The following ATP8A2 variants were observed in gnomAD, a reference collection of about 807,000 sequenced individuals.
The protein encoded by ATP8A2 is phospholipid-transporting ATPase IB.
In ATP8A2, 100 loss-of-function variants were observed where a neutral mutation model predicts 165.6. The ratio of observed to expected loss-of-function variants is 0.60; its 90% CI spans 0.51 to 0.71. ATP8A2 has a LOEUF of 0.71. ATP8A2 is among the 30% of genes least tolerant of loss of function. The pLI is 0.00. For synonymous variants in ATP8A2, 543 were observed against 548.8 expected (o/e 0.99, Z 0.15); for missense variants, 1,227 against 1,479.5 (o/e 0.83, Z 2.80).
intron 24 of ATP8A2, among the ~76,000 whole-genome samples, chr13:25,648,114 T>C (rs2041722401): frequency 6.6e-6 from 1 of 152,204 alleles, no homozygotes; most frequent in African/African-American, 2.4e-5. Flanking sequence ...TATTCTTTTT[T>C]CTTTTTATTT....
At chr13:25,828,529 C>T (rs994421234) in intron 28 of ATP8A2, among the ~76,000 whole-genome samples, 14 of 152,250 alleles carry the variant, frequency 9.2e-5, no homozygotes, top group Non-Finnish European at 1.9e-4. Context: ...TACACCTAAA[C>T]TCATTCCGCT....
At chr13:25,591,892 A>G (rs1045931494) in intron 24 of ATP8A2, among the ~76,000 whole-genome samples, 1 of 152,194 alleles carries the variant, frequency 6.6e-6, no homozygotes, top group Admixed American at 6.5e-5. Flanking sequence ...TTTTGGGGAC[A>G]TATACCCAGA....
intron 27 of ATP8A2, among the ~76,000 whole-genome samples, chr13:25,811,250 A>G (rs1301931383): frequency 1.3e-5 from 2 of 152,232 alleles, no homozygotes; most frequent in African/African-American, 2.4e-5. Flanking sequence ...TAGCAATATC[A>G]GTGACATAAT....
intron 16 of ATP8A2, among the ~76,000 whole-genome samples, chr13:25,565,741 C>T (rs1054186737): frequency 1.3e-5 from 2 of 150,348 alleles, no homozygotes; most frequent in Non-Finnish European, 3.0e-5. Flanking sequence ...TAATTAGGTC[C>T]CAGCTGTTTA....
chr13:25,961,080 G>A (rs1048138866), intron 33 of ATP8A2, among the ~76,000 whole-genome samples: 1 of 152,194 alleles, frequency 6.6e-6, no homozygotes, highest in African/African-American at 2.4e-5. Context: ...ATCTCCTGAA[G>A]GCAAGGACTA....
intron 33 of ATP8A2, among the ~76,000 whole-genome samples, chr13:25,905,216 C>G (rs971135944): frequency 6.6e-6 from 1 of 152,152 alleles, no homozygotes; most frequent in African/African-American, 2.4e-5. Flanking sequence ...TCTCTTTCCG[C>G]AGATAACCTC....
intron 24 of ATP8A2, among the ~76,000 whole-genome samples, chr13:25,625,623 G>A (rs2041081308): frequency 6.6e-6 from 1 of 152,162 alleles, no homozygotes; most frequent in Admixed American, 6.5e-5. Context: ...ATCTCTTGAG[G>A]GTTGTTGCTT....
intron 1 of ATP8A2, among the ~76,000 whole-genome samples, chr13:25,450,058 A>G (rs926372596): frequency 1.3e-5 from 2 of 152,136 alleles, no homozygotes; most frequent in African/African-American, 4.8e-5. Flanking sequence ...GCTCCCACTT[A>G]TAAGTGAGAA....
intron 2 of ATP8A2, among the ~76,000 whole-genome samples, chr13:25,505,771 A>C (rs934053386): frequency 1.3e-5 from 2 of 152,254 alleles, no homozygotes; most frequent in Non-Finnish European, 2.9e-5. Context: ...TATACAATAT[A>C]TGCTATATCA....
chr13:25,665,971 G>A (rs766532535), intron 24 of ATP8A2, among the ~76,000 whole-genome samples: 19 of 150,070 alleles, frequency 1.3e-4, no homozygotes, highest in African/African-American at 4.1e-4. Context: ...AAATTTTAAC[G>A]TTAAGAATGC....
intron 24 of ATP8A2, among the ~76,000 whole-genome samples, chr13:25,644,538 A>G (rs1249450098): frequency 6.7e-6 from 1 of 148,440 alleles, no homozygotes; most frequent in East Asian, 2.0e-4. Flanking sequence ...TGTGATGTCC[A>G]TGTTTGGTTT....
intron 25 of ATP8A2, among the ~76,000 whole-genome samples, chr13:25,755,041 A>G (rs185882186): frequency 2.4e-4 from 37 of 152,282 alleles, no homozygotes; most frequent in African/African-American, 8.2e-4. Flanking sequence ...AGGAAAAACT[A>G]CTTCCAGCAC....
At chr13:25,888,079 G>A (rs868557130) in intron 33 of ATP8A2, among the ~76,000 whole-genome samples, 4 of 67,774 alleles carry the variant, frequency 5.9e-5, no homozygotes, top group Non-Finnish European at 9.4e-5. Context: ...CCCCCCCCCC[G>A]CCCCACCCCC....
At chr13:25,664,999 GA>G (rs34189670) in intron 24 of ATP8A2, among the ~76,000 whole-genome samples, 37 of 145,416 alleles carry the variant, frequency 2.5e-4, no homozygotes, top group South Asian at 4.4e-4. Context: ...ATCAGAGATT[GA>G]AAAAAAAAAA....
At chr13:25,432,449 G>A (rs2034642125) in intron 1 of ATP8A2, among the ~76,000 whole-genome samples, 1 of 152,140 alleles carries the variant, frequency 6.6e-6, no homozygotes. Flanking sequence ...TCTTTCCTTG[G>A]GGATCTTTAG....
intron 25 of ATP8A2, among the ~76,000 whole-genome samples, chr13:25,718,367 G>A (rs1016683720): frequency 6.7e-6 from 1 of 150,228 alleles, no homozygotes; most frequent in African/African-American, 2.5e-5. Flanking sequence ...TAAATTAGTA[G>A]AGTTTTTCGT....
intron 1 of ATP8A2, among the ~76,000 whole-genome samples, chr13:25,428,161 G>T (rs1021342226): frequency 2.0e-5 from 3 of 151,706 alleles, no homozygotes; most frequent in Non-Finnish European, 2.9e-5. Context: ...TTCAGCCTGG[G>T]TGACAGAGTA....
At chr13:25,758,049 C>A (rs1405093909) in intron 25 of ATP8A2, among the ~76,000 whole-genome samples, 5 of 152,184 alleles carry the variant, frequency 3.3e-5, no homozygotes, top group African/African-American at 9.7e-5. Context: ...AAGGAGATAA[C>A]CTGATAAACA....
intron 33 of ATP8A2, among the ~76,000 whole-genome samples, chr13:25,925,425 T>G (rs1477462695): frequency 6.6e-6 from 1 of 151,710 alleles, no homozygotes; most frequent in Non-Finnish European, 1.5e-5. Context: ...TCCCAGCTAC[T>G]CGGGAGGCTG....
Sources: allele counts gnomAD v4.1 joint callset (sites outside exome capture counted in the v4.1 genomes callset), GRCh38; gene constraint gnomAD v4.1.1; transcripts MANE v1.5; gene names NCBI Gene and HGNC (gene_info 2026-07-23, HGNC 2026-07-21).